The following PLXNA4 variants were observed in gnomAD, a reference collection of about 807,000 sequenced individuals.
PLXNA4 encodes the protein plexin A4, also known as plexin-A4.
In PLXNA4, 44 loss-of-function variants were observed where a neutral mutation model predicts 191.8. The ratio of observed to expected loss-of-function variants is 0.23; its 90% CI spans 0.18 to 0.29. The LOEUF is 0.29. Ranked by LOEUF, PLXNA4 falls within the 10% of genes least tolerant of loss-of-function variation. The probability of loss-of-function intolerance (pLI) is 1.00; values close to 1 mark genes in which losing one functional copy is unlikely to be tolerated. For missense variants in PLXNA4, 1,800 were observed against 2,488.8 expected, an observed-to-expected ratio of 0.72 and a Z score of 5.89; for synonymous variants, 1,082 against 1,009.5, an observed-to-expected ratio of 1.07 and a Z score of -1.36.
chr7:132,213,311 T>A (rs1448074399), intron 9 of PLXNA4, among the ~76,000 whole-genome samples: 1 of 152,206 alleles, frequency 6.6e-6, no homozygotes, highest in African/African-American at 2.4e-5. Flanking sequence ...TGTACAACAA[T>A]GTGAAATGTA....
chr7:132,339,326 C>G (rs1361861867), intron 3 of PLXNA4, among the ~76,000 whole-genome samples: 1 of 152,170 alleles, frequency 6.6e-6, no homozygotes, highest in Non-Finnish European at 1.5e-5. Context: ...GCCTCATCCC[C>G]CATCTAATGT....
chr7:132,406,768 C>G (rs1794238026), intron 3 of PLXNA4, among the ~76,000 whole-genome samples: 1 of 152,094 alleles, frequency 6.6e-6, no homozygotes, highest in Non-Finnish European at 1.5e-5. Flanking sequence ...TTTGGGTGAC[C>G]TGTCTCCCAG....
intron 4 of PLXNA4, among the ~76,000 whole-genome samples, chr7:132,257,940 T>G (rs1011303486): frequency 6.6e-6 from 1 of 152,236 alleles, no homozygotes; most frequent in Non-Finnish European, 1.5e-5. Flanking sequence ...AGCAAAATCA[T>G]TGACATGCAA....
chr7:132,342,049 G>T (rs1160803711), intron 3 of PLXNA4, among the ~76,000 whole-genome samples: 1 of 151,404 alleles, frequency 6.6e-6, no homozygotes, highest in African/African-American at 2.4e-5. Context: ...AGGGAGGCAG[G>T]GGGTGACATT....
At chr7:132,403,218 T>C (rs1037921841) in intron 3 of PLXNA4, among the ~76,000 whole-genome samples, 1 of 152,102 alleles carries the variant, frequency 6.6e-6, no homozygotes, top group Non-Finnish European at 1.5e-5. Flanking sequence ...CTATGCCTGG[T>C]CCACAAAAGC....
chr7:132,274,444 A>G (rs77707520), intron 4 of PLXNA4, among the ~76,000 whole-genome samples: 5,071 of 152,248 alleles, frequency 0.033, 102 homozygotes, highest in African/African-American at 0.041. Context: ...CAGGACATTA[A>G]CACTGGTACA....
chr7:132,639,239 A>C (rs1803669195), intron 2 of PLXNA4, among the ~76,000 whole-genome samples: 1 of 152,326 alleles, frequency 6.6e-6, no homozygotes, highest in South Asian at 2.1e-4. Flanking sequence ...TAAAAGGGAC[A>C]GTGATAACTC....
At chr7:132,311,645 C>G (rs1243492957) in intron 3 of PLXNA4, among the ~76,000 whole-genome samples, 1 of 152,144 alleles carries the variant, frequency 6.6e-6, no homozygotes, top group Non-Finnish European at 1.5e-5. Flanking sequence ...GATCACCACC[C>G]CTTATTGAAT....
chr7:132,235,209 G>A (rs929290029), intron 5 of PLXNA4, among the ~76,000 whole-genome samples: 2 of 152,232 alleles, frequency 1.3e-5, no homozygotes, highest in Non-Finnish European at 2.9e-5. Context: ...TGCTCCCACA[G>A]TCGAGGCCCT....
intron 3 of PLXNA4, among the ~76,000 whole-genome samples, chr7:132,354,848 G>A (rs974868606): frequency 3.9e-5 from 6 of 152,358 alleles, no homozygotes; most frequent in East Asian, 1.9e-4. Flanking sequence ...TGTGGAGAAG[G>A]TGCCTGAGCC....
At chr7:132,259,436 C>CAAAAAAAAAAAAAAAAAAAA (rs55902635) in intron 4 of PLXNA4, among the ~76,000 whole-genome samples, 31 of 33,864 alleles carry the variant, frequency 9.2e-4, no homozygotes, top group Non-Finnish European at 1.1e-3. Flanking sequence ...AACTCCAACT[C>CAAAAAAAAAAAAAAAAAAAA]AAAAAAAAAA....
At chr7:132,300,807 C>G (rs1255365456) in intron 3 of PLXNA4, among the ~76,000 whole-genome samples, 1 of 152,250 alleles carries the variant, frequency 6.6e-6, no homozygotes, top group Non-Finnish European at 1.5e-5. Flanking sequence ...CCCCCTCAGG[C>G]CACCGTCGGC....
chr7:132,324,369 T>C (rs746149250), intron 3 of PLXNA4, among the ~76,000 whole-genome samples: 4 of 152,218 alleles, frequency 2.6e-5, no homozygotes, highest in Non-Finnish European at 5.9e-5. Flanking sequence ...TAATCACTGT[T>C]TCAGTTCATT....
intron 25 of PLXNA4, among the ~76,000 whole-genome samples, chr7:132,149,937 G>A (rs1025250649): frequency 2.0e-5 from 3 of 152,194 alleles, no homozygotes; most frequent in African/African-American, 7.2e-5. Flanking sequence ...CCATTTCACA[G>A]ATGGCATGCC....
chr7:132,253,637 G>T (rs566230281), intron 4 of PLXNA4, among the ~76,000 whole-genome samples: 1 of 152,094 alleles, frequency 6.6e-6, no homozygotes, highest in Non-Finnish European at 1.5e-5. Flanking sequence ...TTCACCTTCT[G>T]ACCAGTAGCA....
At chr7:132,613,016 T>C (rs760895555) in intron 2 of PLXNA4, among the ~76,000 whole-genome samples, 10 of 152,132 alleles carry the variant, frequency 6.6e-5, no homozygotes, top group African/African-American at 2.4e-5. Flanking sequence ...ATCTTTATGC[T>C]TTGTTGAAAA....
At chr7:132,412,267 A>C (rs1028527864) in intron 3 of PLXNA4, among the ~76,000 whole-genome samples, 9 of 152,230 alleles carry the variant, frequency 5.9e-5, no homozygotes, top group African/African-American at 2.2e-4. Context: ...CTCCCCCTCC[A>C]GACCTCAGCT....
intron 3 of PLXNA4, among the ~76,000 whole-genome samples, chr7:132,399,259 G>A (rs1045018578): frequency 6.6e-6 from 1 of 152,154 alleles, no homozygotes; most frequent in Non-Finnish European, 1.5e-5. Context: ...CCCAGTCCCT[G>A]CAAGACATAT....
chr7:132,397,628 G>A (rs1423420172), intron 3 of PLXNA4, among the ~76,000 whole-genome samples: 1 of 152,180 alleles, frequency 6.6e-6, no homozygotes, highest in Non-Finnish European at 1.5e-5. Flanking sequence ...TCTGGCAAAG[G>A]ATGAAGCAGC....
Sources: gnomAD v4.1 joint callset for allele counts (sites outside exome capture counted in the v4.1 genomes callset) on GRCh38, gnomAD v4.1.1 for gene constraint, MANE v1.5 for transcripts, NCBI Gene and HGNC (gene_info 2026-07-23, HGNC 2026-07-21) for gene names.